MRC1: variants seen among roughly 807,000 people sequenced by gnomAD.
MRC1 encodes mannose receptor C-type 1.
A neutral mutation model predicts 102.9 loss-of-function variants in MRC1; 62 were observed. The observed-to-expected ratio is 0.60, with a 90% CI of 0.49 to 0.74. The LOEUF is 0.74. Among genes scored for constraint, MRC1 ranks in the 30% least tolerant of loss-of-function variants. MRC1 has a pLI of 0.00. For missense variants in MRC1, 1,237 were observed against 862.8 expected (o/e 1.43, Z -5.43); for synonymous variants, 457 against 298.4 (o/e 1.53, Z -5.48).
rs1833955135 is a variant in MRC1 at position 17,910,521 on chromosome 10, A to G, written c.*56A>G. 4 of 780,180 alleles carry G rather than the reference A, an allele frequency of 5.1e-6. No homozygotes were observed. 48.3% of individuals were successfully genotyped at this position (780,180 alleles called of 1,614,324 possible). ...TTCATAAAATTGTAACTGAAATTTA[A>G]AATTTTTAGTTCAATGTGATTGTTT... On this transcript the variant is annotated 3_prime_UTR_variant, in exon 30 of 30. Coordinates refer to ENST00000569591, the MANE Select transcript of MRC1 (RefSeq NM_002438.4).
At chr10:17,881,638 A>G (rs1053275253) in intron 21 of MRC1, among the ~76,000 whole-genome samples, 7 of 146,248 alleles carry the variant, frequency 4.8e-5, no homozygotes, top group Non-Finnish European at 1.1e-4. Context: ...AGCAAAGTTG[A>G]TATTTTAAAT....
intron 2 of MRC1, among the ~76,000 whole-genome samples, chr10:17,825,993 T>G (rs1838468752): frequency 6.6e-6 from 1 of 152,126 alleles, no homozygotes; most frequent in African/African-American, 2.4e-5. Context: ...TTAAAGTTAT[T>G]AACAACTACC....
chr10:17,883,521 C>T lies in MRC1; in HGVS notation c.2981-1748C>T, dbSNP rs971122631. Reference sequence around the variant, plus strand: ...TTAAGAAAAACAGAAGTCTCTGAGACGGTAGCTGCCTCTTCTACTCTGCAG... The same window carrying T: ...TTAAGAAAAACAGAAGTCTCTGAGATGGTAGCTGCCTCTTCTACTCTGCAG... On this transcript the variant is annotated intron_variant, in intron 21 of 29. Transcript: ENST00000569591. Among the ~76,000 whole-genome samples the T allele has an allele frequency of 2.0e-4, 31 of 151,348 alleles. 2 individuals carry two copies. Among genetic ancestry groups the T allele is most frequent in the Admixed American group, 4.0e-4 (6 of 15,180 alleles).
chr10:17,897,963 C>A (rs1833778067), intron 23 of MRC1, 71 bp from the exon 24 acceptor site: 2 of 779,622 alleles, frequency 2.6e-6, no homozygotes, highest in Admixed American at 1.7e-5. Flanking sequence ...AGATGAGATA[C>A]ACTTATCATT....
At chr10:17,841,692 C>T (rs1838751928) in intron 5 of MRC1, among the ~76,000 whole-genome samples, 1 of 150,582 alleles carries the variant, frequency 6.6e-6, no homozygotes, top group Non-Finnish European at 1.5e-5. Flanking sequence ...TTGAGGCCTT[C>T]TATTGGGTAT....
chr10:17,833,913 C>T, intron 4 of MRC1, 74 bp downstream of exon 4: 1 of 759,840 alleles, frequency 1.3e-6, no homozygotes, highest in Non-Finnish European at 2.5e-6. Flanking sequence ...AAGTCAACAG[C>T]ACAAGTGTTT....
At chr10:17,873,091 T>C (rs1437093138) in intron 15 of MRC1, among the ~76,000 whole-genome samples, 1 of 152,218 alleles carries the variant, frequency 6.6e-6, no homozygotes, top group African/African-American at 2.4e-5. Flanking sequence ...AGCTCTACTC[T>C]TGTAGATGTT....
chr10:17,878,230 T>C (rs1358702214), intron 18 of MRC1, among the ~76,000 whole-genome samples: 3 of 152,238 alleles, frequency 2.0e-5, no homozygotes, highest in African/African-American at 7.2e-5. Flanking sequence ...CATCTGTCAG[T>C]AAATCATCTA....
At chr10:17,839,523 G>A (rs1482958425) in intron 4 of MRC1, among the ~76,000 whole-genome samples, 3 of 151,676 alleles carry the variant, frequency 2.0e-5, no homozygotes, top group Non-Finnish European at 2.9e-5. Flanking sequence ...TTTTTTTGAA[G>A]GTTGTTGAGT....
chr10:17,835,288 T>A (rs913072753), intron 4 of MRC1, among the ~76,000 whole-genome samples: 13 of 152,362 alleles, frequency 8.5e-5, no homozygotes, highest in African/African-American at 3.1e-4. Context: ...ATGTCCTGCT[T>A]CCTTGACAAC....
intron 5 of MRC1, among the ~76,000 whole-genome samples, chr10:17,844,466 C>T (rs968996479): frequency 3.3e-5 from 5 of 152,220 alleles, no homozygotes; most frequent in East Asian, 3.9e-4. Flanking sequence ...TTGATCCATC[C>T]GCCTCAGCCT....
intron 4 of MRC1, among the ~76,000 whole-genome samples, chr10:17,837,781 A>G (rs1051064206): frequency 2.0e-5 from 3 of 151,880 alleles, no homozygotes; most frequent in Non-Finnish European, 4.4e-5. Flanking sequence ...TTTGTATTTT[A>G]GTAGACACAG....
At position 17,857,066 on chromosome 10, in the gene MRC1, T is replaced by G. The variant is rs902140950; in HGVS notation, c.1518+714T>G. Among the ~76,000 whole-genome samples the G allele has an allele frequency of 1.0e-3, 155 of 152,326 alleles. 1 individual carries two copies. Among genetic ancestry groups the G allele is most frequent in the African/African-American group, 3.4e-3 (142 of 41,572 alleles). On this transcript the variant is annotated intron_variant, in intron 9 of 29. Coordinates refer to ENST00000569591, the MANE Select transcript of MRC1 (RefSeq NM_002438.4). ...GAAACTATTTTTTTCCCTAAGAGTA[T>G]TATGTTGTGGTCACATAATCTTATA...
At chr10:17,838,941 T>C (rs1200735033) in intron 4 of MRC1, among the ~76,000 whole-genome samples, 3 of 152,232 alleles carry the variant, frequency 2.0e-5, no homozygotes, top group Non-Finnish European at 1.5e-5. Flanking sequence ...TACAAAAGCA[T>C]ATTAGAGAAA....
chr10:17,907,078 T>C, intron 27 of MRC1, 79 bp downstream of exon 27: 1 of 758,766 alleles, frequency 1.3e-6, no homozygotes, highest in Non-Finnish European at 2.5e-6. Flanking sequence ...TTCCAAAATG[T>C]GTTGCCTTAA....
chr10:17,837,673 G>A (rs1838689336), intron 4 of MRC1, among the ~76,000 whole-genome samples: 1 of 151,434 alleles, frequency 6.6e-6, no homozygotes, highest in African/African-American at 2.4e-5. Flanking sequence ...CTGTCGCCCG[G>A]GCTGGAGTGC....
chr10:17,909,190 T>C lies in MRC1; in HGVS notation c.4079-116T>C, dbSNP rs561326969. The C allele has an allele frequency of 1.0e-5, 7 of 702,262 alleles. No individual in the cohort carries two copies. In the African/African-American group the frequency reaches 1.1e-4, roughly 11 times the overall value. The allele number at this position is 702,262 out of a possible 1,614,324, so 43.5% of individuals were successfully genotyped here. A position where few individuals can be genotyped will look rare whatever the true frequency, so the allele number is the denominator to read the frequency against. Reference sequence around the variant, plus strand: ...ATATCTATCATATCATAATATCATATATCAATCAACACACATCAAATGTGG... The same window carrying C: ...ATATCTATCATATCATAATATCATACATCAATCAACACACATCAAATGTGG... On this transcript the variant is annotated intron_variant, in intron 28 of 29. Transcript: ENST00000569591.
chr10:17,823,345 A>G lies in MRC1; in HGVS notation c.333A>G (p.Lys111=). The change falls in exon 2 of 30, where the codon AAA becomes AAG. Residue 111 remains lysine, a synonymous_variant. Transcript: ENST00000569591. The part of the protein sequence containing the change: ...ECKNDTLLGI[K]GEDLFFNYGN... ...AAAATGACACACTTTTGGGGATCAA[A>G]GGAGAAGATTTATTTTTTAACTACG... is the stretch of plus-strand genomic sequence containing the variant. 1 of 780,888 alleles carries G rather than the reference A, an allele frequency of 1.3e-6. No homozygotes were observed. Among genetic ancestry groups the G allele is most frequent in the East Asian group, 2.4e-5 (1 of 41,256 alleles). 48.4% of individuals were successfully genotyped at this position (780,888 alleles called of 1,614,324 possible). A position where few individuals can be genotyped will look rare whatever the true frequency, so the allele number is the denominator to read the frequency against.
intron 1 of MRC1, among the ~76,000 whole-genome samples, chr10:17,815,089 T>G (rs1838290165): frequency 6.6e-6 from 1 of 152,196 alleles, no homozygotes; most frequent in Non-Finnish European, 1.5e-5. Context: ...GAATATATAT[T>G]AAGCAATTCC....
Sources: gnomAD v4.1 joint callset for allele counts (sites outside exome capture counted in the v4.1 genomes callset) on GRCh38, gnomAD v4.1.1 for gene constraint, MANE v1.5 for transcripts, NCBI Gene and HGNC (gene_info 2026-07-23, HGNC 2026-07-21) for gene names.